Variants in SNRNP70 observed in about 807,000 individuals in gnomAD.
SNRNP70 encodes small nuclear ribonucleoprotein U1 subunit 70.
SNRNP70 carries 8 observed loss-of-function variants against 50.5 expected under a neutral mutation model. The ratio of observed to expected loss-of-function variants is 0.16; its 90% CI spans 0.09 to 0.29. The LOEUF (loss-of-function observed/expected upper bound fraction) is 0.29, where lower values mean the gene tolerates loss of function less well. Among genes scored for constraint, SNRNP70 ranks in the 10% least tolerant of loss-of-function variants. The probability of loss-of-function intolerance (pLI) is 1.00; values close to 1 mark genes in which losing one functional copy is unlikely to be tolerated. For synonymous variants in SNRNP70, 320 were observed against 252.9 expected, an observed-to-expected ratio of 1.27 and a Z score of -2.52; for missense variants, 529 against 663.5, an observed-to-expected ratio of 0.80 and a Z score of 2.23.
Position 49,094,805 on chromosome 19 carries a change from G to C in SNRNP70, c.266-3622G>C, listed in dbSNP as rs180828721. Among the ~76,000 whole-genome samples, 7 of 152,314 alleles carry C rather than the reference G, an allele frequency of 4.6e-5. No individual in the cohort carries two copies. The East Asian group carries it at 1.3e-3, about 29-fold the overall frequency. On this transcript the variant is annotated intron_variant, in intron 4 of 9. Transcript: ENST00000598441. ...TTACTGACTTTCTCACAGCTTCCAAGTGCAGCAGGGGTTGCTACTCCCATT... is the reference window on the plus strand; with the variant it reads ...TTACTGACTTTCTCACAGCTTCCAACTGCAGCAGGGGTTGCTACTCCCATT...
intron 4 of SNRNP70, among the ~76,000 whole-genome samples, chr19:49,096,564 G>A (rs914917241): frequency 1.3e-5 from 2 of 151,544 alleles, no homozygotes; most frequent in South Asian, 2.1e-4. Context: ...TCAGGAGTTC[G>A]AAACCAGCCT....
rs1162568760 is a variant in SNRNP70 at position 49,108,102 on chromosome 19, G to A, written c.973G>A (p.Ala325Thr). The A allele has an allele frequency of 5.8e-6, 9 of 1,549,518 alleles. No homozygotes were observed. Among genetic ancestry groups the A allele is most frequent in the Admixed American group, 2.0e-5 (1 of 49,324 alleles). ...DMAEPSEAGD[A>T]PPDDGPPGEL... is the part of the protein sequence containing the mutation. The stretch of plus-strand genomic sequence containing the variant: ...GGCGGAGCCCTCCGAGGCGGGTGAC[G>A]CGCCCCCTGATGATGGGCCTCCAGG... The change falls in exon 10 of 10, where the codon GCG becomes ACG. Residue 325 changes from alanine (A) to threonine (T), a missense_variant. Ala to Thr is a moderately conservative substitution (Grantham distance 58, BLOSUM62 0). Coordinates refer to ENST00000598441, the MANE Select transcript of SNRNP70 (RefSeq NM_003089.6).
chr19:49,108,152 C>G lies in SNRNP70; in HGVS notation c.1023C>G (p.Asp341Glu). ...PPGELGPDGP[D>E]GPEEKGRDRD... ...GGGAGCTCGGGCCTGACGGCCCTGA[C>G]GGTCCAGAGGAAAAGGGCCGGGATC... The change falls in exon 10 of 10, where the codon GAC (aspartate) becomes GAG (glutamate). Residue 341 changes from aspartate (D) to glutamate (E), a missense_variant. Transcript: ENST00000598441. 2 of 1,542,474 alleles carry G rather than the reference C, an allele frequency of 1.3e-6. No homozygotes were observed. The highest frequency in any genetic ancestry group is 8.7e-7 in the Non-Finnish European group (1 of 1,144,048).
Position 49,104,974 on chromosome 19 carries a change from C to T in SNRNP70, c.577+239C>T, listed in dbSNP as rs906114185. 2.0e-5 allele frequency among the ~76,000 whole-genome samples: 3 copies of T among 152,182 alleles called. No individual in the cohort carries two copies. The highest frequency in any genetic ancestry group is 1.9e-4 in the East Asian group (1 of 5,172). ...GGAGAGGCCTGAGCCCACATGCTGG[C>T]GTCCGCCCTTGCTAGCTGGGGGTCC... On this transcript the variant is annotated intron_variant, in intron 8 of 9. Coordinates refer to ENST00000598441, the MANE Select transcript of SNRNP70 (RefSeq NM_003089.6). The surrounding 1 kb of genome is among the most constrained non-coding windows in gnomAD (Gnocchi z 5.4).
At chr19:49,099,862 G>A (rs550841954) in intron 6 of SNRNP70, among the ~76,000 whole-genome samples, 27 of 152,330 alleles carry the variant, frequency 1.8e-4, no homozygotes, top group Middle Eastern at 3.4e-3. Flanking sequence ...CCAACATGGC[G>A]AAACCCCGTC....
intron 6 of SNRNP70, among the ~76,000 whole-genome samples, chr19:49,101,098 G>A (rs965779476): frequency 7.9e-5 from 12 of 152,090 alleles, no homozygotes; most frequent in African/African-American, 2.2e-4. Flanking sequence ...TCCTGCCCCC[G>A]GGCCCTTGGA....
rs2040692470 is a variant in SNRNP70 at position 49,107,759 on chromosome 19, G to A, written c.666-36G>A. ...CCTGGGGTGGGGGGCGGTCACGGGG[G>A]GAGCCCAGCCACACAGGTCTGCCCA... On this transcript the variant is annotated intron_variant, in intron 9 of 9. Coordinates refer to ENST00000598441, the MANE Select transcript of SNRNP70 (RefSeq NM_003089.6). The surrounding 1 kb of genome is among the most constrained non-coding windows in gnomAD (Gnocchi z 6.0). 6.2e-7 allele frequency: 1 copy of A among 1,612,172 alleles called. No homozygotes were observed. The highest frequency in any genetic ancestry group is 1.7e-5 in the Admixed American group (1 of 59,918).
chr19:49,090,179 T>C, intron 2 of SNRNP70, 112 bp from the exon 3 acceptor site: 1 of 900,814 alleles, frequency 1.1e-6, no homozygotes, highest in Non-Finnish European at 1.8e-6. Flanking sequence ...CGTGGATGTT[T>C]ATTTTTGTAG....
Position 49,085,523 on chromosome 19 carries a change from A to G in SNRNP70, c.-124A>G. The G allele has an allele frequency of 2.2e-6, 1 of 455,654 alleles. No homozygotes were observed. The highest frequency in any genetic ancestry group is 1.6e-5 in the South Asian group (1 of 64,500). The allele number at this position is 455,654 out of a possible 1,614,324, so 28.2% of individuals were successfully genotyped here. The stretch of plus-strand genomic sequence containing the variant: ...CTCGCTTAGCGGGCGACGGAATCAG[A>G]CGGACGTGGACGCCCCCGGAGTGGA... On this transcript the variant is annotated 5_prime_UTR_variant, in exon 1 of 10. Coordinates refer to ENST00000598441, the MANE Select transcript of SNRNP70 (RefSeq NM_003089.6).
chr19:49,088,148 C>T (rs1043205864), intron 2 of SNRNP70, among the ~76,000 whole-genome samples: 115 of 151,454 alleles, frequency 7.6e-4, no homozygotes, highest in African/African-American at 2.6e-3. Context: ...CCCTTGGCCT[C>T]CCAGAGTGCT....
chr19:49,086,193 G>A (rs2040376565), intron 1 of SNRNP70, among the ~76,000 whole-genome samples: 1 of 152,102 alleles, frequency 6.6e-6, no homozygotes, highest in African/African-American at 2.4e-5. Context: ...TTTTCCAGCC[G>A]TTATTTTTGT....
Position 49,107,895 on chromosome 19 carries a change from C to T in SNRNP70, c.766C>T (p.Arg256Cys), listed in dbSNP as rs1188409158. Residue 256 changes from arginine (R) to cysteine (C), a missense_variant, in exon 10 of 10, where the codon CGC becomes TGC. Arg to Cys is a radical substitution (Grantham distance 180). Around this residue, in one of 4 missense-constraint regions of SNRNP70, gnomAD observed 327 missense variants for 308.8 expected, o/e 1.06. Transcript: ENST00000598441. The surrounding 1 kb of genome is among the most constrained non-coding windows in gnomAD (Gnocchi z 6.0). ...RERDKERERR[R>C]SRSRDRRRRS... The stretch of plus-strand genomic sequence containing the variant: ...GCGAGACAAGGAGCGAGAACGGCGA[C>T]GCTCCCGCTCCCGGGACCGGCGGAG... 5 of 1,548,082 alleles carry T rather than the reference C, an allele frequency of 3.2e-6. No individual in the cohort carries two copies. Among genetic ancestry groups the T allele is most frequent in the East Asian group, 2.4e-5 (1 of 40,866 alleles).
At position 49,108,440 on chromosome 19, in the gene SNRNP70, G is replaced by A. The variant is rs1357966923; in HGVS notation, c.1311G>A (p.Glu437=). The part of the protein sequence containing the change: ...ENGYLMEAAP[E] ...GGTATTTGATGGAGGCTGCGCCGGA[G>A]TGAAGAGGTCGTCCTCTCCATCTGC... is the stretch of plus-strand genomic sequence containing the variant. The change falls in exon 10 of 10, where the codon GAG becomes GAA. Residue 437 remains glutamate (E), a synonymous_variant. Transcript: ENST00000598441. The A allele has an allele frequency of 3.1e-6, 5 of 1,598,428 alleles. No homozygotes were observed. The highest frequency in any genetic ancestry group is 4.3e-6 in the Non-Finnish European group (5 of 1,173,246).
Position 49,107,796 on chromosome 19 carries a change from C to G in SNRNP70, c.667C>G (p.Pro223Ala). The change falls in exon 10 of 10, where the codon CCC becomes GCC. Residue 223 changes from proline to alanine, a missense_variant and splice_region_variant. By Grantham distance (27) the Pro-to-Ala change is conservative. Transcript: ENST00000598441. The surrounding 1 kb of genome is among the most constrained non-coding windows in gnomAD (Gnocchi z 6.0). ...CACAGGTCTGCCCACCTCATCCAGG[C>G]CCGGCCCCTCCCCGCTTCCGCACAG... ...RDDTSRYDER[P>A]GPSPLPHRDR... is the part of the protein sequence containing the mutation. 1 of 1,606,110 alleles carries G rather than the reference C, an allele frequency of 6.2e-7. No individual in the cohort carries two copies. The highest frequency in any genetic ancestry group is 8.5e-7 in the Non-Finnish European group (1 of 1,176,830).
chr19:49,094,675 C>G (rs1248441518), intron 4 of SNRNP70, among the ~76,000 whole-genome samples: 1 of 152,162 alleles, frequency 6.6e-6, no homozygotes, highest in African/African-American at 2.4e-5. Flanking sequence ...TTTCTGTGCC[C>G]TTGAGAGCCT....
At chr19:49,101,578 C>T (rs973330769) in intron 7 of SNRNP70, 107 bp downstream of exon 7, 15 of 736,228 alleles carry the variant, frequency 2.0e-5, no homozygotes, top group Admixed American at 9.9e-5. Flanking sequence ...CTGACATTAG[C>T]GATGTCTCTT....
rs374045311 is a variant in SNRNP70, at chr19:49,104,545, G to C, written c.476-89G>C. 1 of 977,436 alleles carries C rather than the reference G, an allele frequency of 1.0e-6. No homozygotes were observed. Among genetic ancestry groups the C allele is most frequent in the Non-Finnish European group, 1.6e-6 (1 of 630,924 alleles). The allele number at this position is 977,436 out of a possible 1,614,324, so 60.5% of individuals were successfully genotyped here. A position where few individuals can be genotyped will look rare whatever the true frequency, so the allele number is the denominator to read the frequency against. ...TGCGTGTGCGTGATGATGGGGACAC[G>C]GGGCGGGGATTCTGTAGAGCTGGGC... On this transcript the variant is annotated intron_variant, in intron 7 of 9. Transcript: ENST00000598441. The surrounding 1 kb of genome is among the most constrained non-coding windows in gnomAD (Gnocchi z 5.4).
At chr19:49,089,368 G>A (rs1307156894) in intron 2 of SNRNP70, among the ~76,000 whole-genome samples, 1 of 151,938 alleles carries the variant, frequency 6.6e-6, no homozygotes, top group Admixed American at 6.6e-5. Flanking sequence ...GACGGGCACA[G>A]GGGGGAAAGC....
At chr19:49,095,975 CA>C (rs11356728) in intron 4 of SNRNP70, among the ~76,000 whole-genome samples, 43,448 of 91,932 alleles carry the variant, frequency 0.47, 6,091 homozygotes, top group South Asian at 0.56. Flanking sequence ...TTAGCTGGTG[CA>C]AAAAAAAAAA....
Sources: gnomAD v4.1 joint callset for allele counts (sites outside exome capture counted in the v4.1 genomes callset) on GRCh38, gnomAD v4.1.1 for gene constraint, gnomAD v4.1.1 regional missense constraint, Gnocchi (gnomAD v3.1) non-coding constraint, MANE v1.5 for transcripts, NCBI Gene and HGNC (gene_info 2026-07-23, HGNC 2026-07-21) for gene names.